SCFD1: variants seen among roughly 807,000 people sequenced by gnomAD.
The protein encoded by SCFD1 is sec1 family domain containing 1.
In SCFD1, 37 loss-of-function variants were observed where a neutral mutation model predicts 103.2. The observed-to-expected ratio is 0.36, with a 90% CI of 0.28 to 0.47. The LOEUF (loss-of-function observed/expected upper bound fraction) is 0.47, where lower values mean the gene tolerates loss of function less well. SCFD1 is among the 20% of genes least tolerant of loss of function. SCFD1 has a pLI of 1.00. For missense variants in SCFD1, 639 were observed against 761.2 expected, an observed-to-expected ratio of 0.84 and a Z score of 1.89; for synonymous variants, 264 against 245.0, an observed-to-expected ratio of 1.08 and a Z score of -0.73.
rs1887336900 is a variant in SCFD1, at chr14:30,660,460, G to A, written c.855+6872G>A. 3.3e-5 allele frequency among the ~76,000 whole-genome samples: 5 copies of A among 152,078 alleles called. No individual in the cohort carries two copies. The South Asian group carries it at 1.0e-3, about 32-fold the overall frequency. ...AGATTGATCAGTAGTTTCAGGTATT[G>A]TCAGCATGATCCATCCATTAAGGGT... On this transcript the variant is annotated intron_variant, in intron 10 of 24. Transcript: ENST00000458591.
intron 14 of SCFD1, among the ~76,000 whole-genome samples, chr14:30,681,391 C>A (rs1478402142): frequency 6.6e-6 from 1 of 151,968 alleles, no homozygotes; most frequent in Non-Finnish European, 1.5e-5. Flanking sequence ...TTTATACTTG[C>A]CATCTATAAA....
intron 15 of SCFD1, among the ~76,000 whole-genome samples, chr14:30,698,611 C>T (rs775396554): frequency 5.3e-5 from 8 of 152,138 alleles, no homozygotes; most frequent in Non-Finnish European, 1.0e-4. Flanking sequence ...TGGTCCCAAG[C>T]GGGTAGGACA....
chr14:30,704,728 ACT>A (rs1353144595), intron 17 of SCFD1, among the ~76,000 whole-genome samples: 1 of 152,016 alleles, frequency 6.6e-6, no homozygotes, highest in East Asian at 1.9e-4. Flanking sequence ...TTCTTTAGGT[ACT>A]CTTTTTTTCC....
At chr14:30,734,989 A>G in intron 24 of SCFD1, 131 bp downstream of exon 24, 1 of 650,296 alleles carries the variant, frequency 1.5e-6, no homozygotes, top group Non-Finnish European at 2.7e-6. Flanking sequence ...CTATACCAAG[A>G]TAAGGTGTTT....
intron 2 of SCFD1, among the ~76,000 whole-genome samples, chr14:30,629,051 G>A (rs1300066648): frequency 6.6e-6 from 1 of 152,082 alleles, no homozygotes; most frequent in African/African-American, 2.4e-5. Flanking sequence ...TTGTTCCTTT[G>A]TGGGCATCTT....
In SCFD1 at chr14:30,734,864, G is replaced by GTATA. The variant is rs1893725722; in HGVS notation, c.1905+7_1905+10dup. On this transcript the variant is annotated splice_region_variant and intron_variant, in intron 24 of 24. Coordinates refer to ENST00000458591, the MANE Select transcript of SCFD1 (RefSeq NM_016106.4). ...CTACACAGTTCATAAAACAGGTAAA[G>GTATA]TATACATTTGTTGTTTGTTTCTGTT... 3 of 1,600,876 alleles carry GTATA rather than the reference G, an allele frequency of 1.9e-6. No individual in the cohort carries two copies. Among genetic ancestry groups the GTATA allele is most frequent in the African/African-American group, 2.7e-5 (2 of 74,760 alleles).
intron 14 of SCFD1, chr14:30,683,409 A>G: frequency 1.9e-6 from 1 of 534,034 alleles, no homozygotes; most frequent in Non-Finnish European, 3.6e-6. Context: ...TGCTCCATGG[A>G]TGGCCCCTAC....
At chr14:30,678,507 T>C (rs1193519893) in intron 14 of SCFD1, among the ~76,000 whole-genome samples, 2 of 152,236 alleles carry the variant, frequency 1.3e-5, no homozygotes, top group Non-Finnish European at 1.5e-5. Flanking sequence ...AGTTGTTTTT[T>C]CATCCCTAAT....
rs780100858 is a variant in SCFD1, at chr14:30,643,343, C to T, written c.551C>T (p.Thr184Met). 2.4e-5 allele frequency: 38 copies of T among 1,613,312 alleles called. No individual in the cohort carries two copies. In the East Asian group the frequency reaches 4.0e-4, roughly 17 times the overall value. ...RAINRPDITD[T>M]EMETVMDTIV... Reference sequence around the variant, plus strand: ...ATTAACAGGCCAGATATCACAGACACGGAAATGGAAACTGTTATGGACACT... The same window carrying T: ...ATTAACAGGCCAGATATCACAGACATGGAAATGGAAACTGTTATGGACACT... The change falls in exon 7 of 25, where the codon ACG (threonine) becomes ATG (methionine). Residue 184 changes from threonine to methionine, a missense_variant. Coordinates refer to ENST00000458591, the MANE Select transcript of SCFD1 (RefSeq NM_016106.4).
chr14:30,708,958 G>T (rs1307144859), intron 19 of SCFD1, among the ~76,000 whole-genome samples: 1 of 151,788 alleles, frequency 6.6e-6, no homozygotes, highest in Non-Finnish European at 1.5e-5. Flanking sequence ...TTTTAATTTT[G>T]GAAATTTTCA....
rs554326877 is a variant in SCFD1, at chr14:30,673,945, G to A, written c.1108G>A (p.Gly370Arg). Reference protein sequence around the residue: ...SIMGLEGEDEGAISMLSDNTA... With the variant: ...SIMGLEGEDERAISMLSDNTA... ...CAAGGGACTAGAAGGGGAAGATGAA[G>A]GAGCCATAAGTATGCTTTCTGACAA... Residue 370 changes from glycine to arginine, a missense_variant, in exon 13 of 25, where the codon GGA becomes AGA. Coordinates refer to ENST00000458591, the MANE Select transcript of SCFD1 (RefSeq NM_016106.4). The A allele has an allele frequency of 2.4e-5, 38 of 1,613,570 alleles. No homozygotes were observed. In the South Asian group the frequency reaches 4.1e-4, roughly 17 times the overall value.
intron 9 of SCFD1, among the ~76,000 whole-genome samples, chr14:30,651,417 A>T (rs1250779184): frequency 2.0e-5 from 3 of 148,640 alleles, no homozygotes; most frequent in Non-Finnish European, 4.4e-5. Flanking sequence ...TATAATTGGG[A>T]GTTCACACTA....
intron 23 of SCFD1, among the ~76,000 whole-genome samples, chr14:30,730,612 T>G (rs1893385487): frequency 6.6e-6 from 1 of 152,366 alleles, no homozygotes; most frequent in South Asian, 2.1e-4. Context: ...TGGCCAGTGA[T>G]GATGAGCACT....
intron 6 of SCFD1, 38 bp downstream of exon 6, chr14:30,639,902 A>C: frequency 6.4e-7 from 1 of 1,554,790 alleles, no homozygotes; most frequent in Non-Finnish European, 8.7e-7. Flanking sequence ...CTTTGTTAAC[A>C]AAATGAATGG....
At chr14:30,723,195 G>A (rs1382188053) in intron 23 of SCFD1, among the ~76,000 whole-genome samples, 1 of 151,974 alleles carries the variant, frequency 6.6e-6, no homozygotes, top group Non-Finnish European at 1.5e-5. Flanking sequence ...CTTATGTCAT[G>A]TATGGCCCTA....
chr14:30,692,974 A>G (rs1472650954), intron 14 of SCFD1, among the ~76,000 whole-genome samples: 1 of 152,008 alleles, frequency 6.6e-6, no homozygotes, highest in Non-Finnish European at 1.5e-5. Flanking sequence ...CTAGAATCTC[A>G]TATTTCTTTT....
chr14:30,657,932 A>T (rs1181477900), intron 10 of SCFD1, among the ~76,000 whole-genome samples: 25 of 152,038 alleles, frequency 1.6e-4, no homozygotes, highest in Admixed American at 1.6e-3. Context: ...CAGAAAGATG[A>T]TTTTTCTCAT....
chr14:30,669,552 G>C (rs1317163481), intron 10 of SCFD1, among the ~76,000 whole-genome samples: 1 of 150,082 alleles, frequency 6.7e-6, no homozygotes, highest in Non-Finnish European at 1.5e-5. Context: ...GGGGTTTTTT[G>C]GTTTTTTTTA....
chr14:30,673,974 C>T lies in SCFD1; in HGVS notation c.1137C>T (p.Thr379=), dbSNP rs751729181. ...CCATAAGTATGCTTTCTGACAATAC[C>T]GCTAAGCTAACATCAGCTGTTAGGT... ...EGAISMLSDN[T]AKLTSAVSSL... The change falls in exon 13 of 25, where the codon ACC becomes ACT. Residue 379 remains threonine (T), a synonymous_variant. Coordinates refer to ENST00000458591, the MANE Select transcript of SCFD1 (RefSeq NM_016106.4). 102 of 1,613,188 alleles carry T rather than the reference C, an allele frequency of 6.3e-5. No individual in the cohort carries two copies. The highest frequency in any genetic ancestry group is 9.4e-5 in the African/African-American group (7 of 74,858).
Sources: allele counts gnomAD v4.1 joint callset (sites outside exome capture counted in the v4.1 genomes callset), GRCh38; gene constraint gnomAD v4.1.1; transcripts MANE v1.5; gene names NCBI Gene and HGNC (gene_info 2026-07-23, HGNC 2026-07-21).